PDE10A: variants seen among roughly 807,000 people sequenced by gnomAD.
PDE10A encodes phosphodiesterase 10A.
A neutral mutation model predicts 97.7 loss-of-function variants in PDE10A; 39 were observed. The observed-to-expected ratio is 0.40, with a 90% CI of 0.31 to 0.52. The LOEUF (loss-of-function observed/expected upper bound fraction) is 0.52, where lower values mean the gene tolerates loss of function less well. PDE10A is among the 20% of genes least tolerant of loss of function. The probability of loss-of-function intolerance (pLI) is 0.56; values close to 1 mark genes in which losing one functional copy is unlikely to be tolerated. For synonymous variants in PDE10A, 371 were observed against 376.8 expected, an observed-to-expected ratio of 0.98 and a Z score of 0.18; for missense variants, 731 against 1,047.8, an observed-to-expected ratio of 0.70 and a Z score of 4.17.
intron 1 of PDE10A, among the ~76,000 whole-genome samples, chr6:165,545,852 G>A (rs1054237647): frequency 6.6e-6 from 1 of 151,992 alleles, no homozygotes. Flanking sequence ...AAGACTGTTT[G>A]GCAGTTTCTT....
intron 1 of PDE10A, among the ~76,000 whole-genome samples, chr6:165,731,256 AG>A (rs1273980563): frequency 6.6e-6 from 1 of 152,170 alleles, no homozygotes; most frequent in African/African-American, 2.4e-5. Flanking sequence ...GAAACTCATG[AG>A]TCAAAACACA....
intron 1 of PDE10A, among the ~76,000 whole-genome samples, chr6:165,933,125 G>A (rs192234038): frequency 2.8e-4 from 43 of 152,288 alleles, no homozygotes; most frequent in Middle Eastern, 3.4e-3. Context: ...AAGTCTTGTG[G>A]TAAAGTCCCC....
At chr6:165,890,419 G>A (rs1208704321) in intron 1 of PDE10A, among the ~76,000 whole-genome samples, 1 of 152,110 alleles carries the variant, frequency 6.6e-6, no homozygotes, top group Non-Finnish European at 1.5e-5. Flanking sequence ...ACTGTCTTCC[G>A]CGACAGTGGC....
intron 17 of PDE10A, among the ~76,000 whole-genome samples, chr6:165,381,218 C>T (rs1362723235): frequency 1.3e-5 from 2 of 152,178 alleles, no homozygotes; most frequent in Non-Finnish European, 2.9e-5. Context: ...ATTCTACACA[C>T]TGGATATGTC....
At chr6:165,582,273 C>G (rs965046763) in intron 1 of PDE10A, among the ~76,000 whole-genome samples, 1 of 152,072 alleles carries the variant, frequency 6.6e-6, no homozygotes, top group Non-Finnish European at 1.5e-5. Context: ...TGAGTAGTCA[C>G]TATGGAGCTT....
At chr6:165,961,065 C>T (rs1270833063) in intron 1 of PDE10A, among the ~76,000 whole-genome samples, 3 of 152,084 alleles carry the variant, frequency 2.0e-5, no homozygotes, top group African/African-American at 7.2e-5. Flanking sequence ...GGGTCACTGA[C>T]CCCCTCTCAG....
At chr6:165,336,472 G>A (rs568861386) in intron 20 of PDE10A, among the ~76,000 whole-genome samples, 9 of 152,260 alleles carry the variant, frequency 5.9e-5, no homozygotes, top group East Asian at 1.9e-4. Context: ...AAATCTGGCC[G>A]GGCGCGGTGG....
At chr6:165,454,113 C>A (rs1230604353) in intron 3 of PDE10A, among the ~76,000 whole-genome samples, 3 of 152,222 alleles carry the variant, frequency 2.0e-5, no homozygotes. Context: ...CCAGTTACCC[C>A]CTTTCTTGTC....
chr6:165,635,157 G>T (rs1158921036), intron 1 of PDE10A, among the ~76,000 whole-genome samples: 1 of 152,124 alleles, frequency 6.6e-6, no homozygotes, highest in Non-Finnish European at 1.5e-5. Context: ...CAGCCTAAGG[G>T]CTTCCTTTAG....
chr6:165,330,228 T>C lies in PDE10A; in HGVS notation c.*2797A>G, dbSNP rs1456421781. Reference sequence around the variant, plus strand: ...TACTAAATTTATACTGGGTGGAAAATTTGGCACAATACACAATACGACCTT... The same window carrying C: ...TACTAAATTTATACTGGGTGGAAAACTTGGCACAATACACAATACGACCTT... On this transcript the variant is annotated 3_prime_UTR_variant, in exon 22 of 22. Transcript: ENST00000539869. 1 of 152,118 alleles carries C rather than the reference T, an allele frequency of 6.6e-6. No homozygotes were observed. Among genetic ancestry groups the C allele is most frequent in the Non-Finnish European group, 1.5e-5 (1 of 68,006 alleles). The allele number at this position is 152,118 out of a possible 1,614,324, so 9.4% of individuals were successfully genotyped here. A position where few individuals can be genotyped will look rare whatever the true frequency, so the allele number is the denominator to read the frequency against.
intron 2 of PDE10A, among the ~76,000 whole-genome samples, chr6:165,489,024 G>A (rs554816156): frequency 6.6e-6 from 1 of 152,212 alleles, no homozygotes; most frequent in East Asian, 1.9e-4. Context: ...CCTGCCCATC[G>A]CTGTAGAAAC....
chr6:165,786,640 G>A (rs11970537), intron 1 of PDE10A, among the ~76,000 whole-genome samples: 9,258 of 152,142 alleles, frequency 0.061, 892 homozygotes, highest in African/African-American at 0.21. Context: ...CTCACCACAT[G>A]GCACTTCAGC....
At chr6:165,644,845 C>T (rs1024722108) in intron 1 of PDE10A, among the ~76,000 whole-genome samples, 4 of 152,140 alleles carry the variant, frequency 2.6e-5, no homozygotes, top group African/African-American at 4.8e-5. Flanking sequence ...GAAGCATGGA[C>T]GGTCATGAGC....
Position 165,435,389 on chromosome 6 carries a change from A to G in PDE10A, c.1195-12T>C, listed in dbSNP as rs528615968. ...AATATACACAGGCTCTAGGGAGAAG[A>G]AAAGATGTTTTACAGACTTTCCTGT... On this transcript the variant is annotated splice_polypyrimidine_tract_variant and intron_variant, in intron 5 of 21. Coordinates refer to ENST00000539869, the MANE Select transcript of PDE10A (RefSeq NM_001385079.1). 21 of 1,609,870 alleles carry G rather than the reference A, an allele frequency of 1.3e-5. No individual in the cohort carries two copies. The highest frequency in any genetic ancestry group is 1.7e-5 in the Admixed American group (1 of 59,068).
At chr6:165,824,049 G>C (rs1021706530) in intron 1 of PDE10A, among the ~76,000 whole-genome samples, 1 of 152,208 alleles carries the variant, frequency 6.6e-6, no homozygotes, top group Non-Finnish European at 1.5e-5. Flanking sequence ...CTGTGATTCT[G>C]CTGCTTAAAT....
In PDE10A at chr6:165,450,256, C is replaced by T. The variant is rs779674539; in HGVS notation, c.1130G>A (p.Ser377Asn). 1.3e-6 allele frequency: 2 copies of T among 1,590,270 alleles called. No individual in the cohort carries two copies. Among genetic ancestry groups the T allele is most frequent in the South Asian group, 1.2e-5 (1 of 85,180 alleles). Residue 377 changes from serine (S) to asparagine (N), a missense_variant, in exon 4 of 22, where the codon AGC becomes AAC. Around this residue, in one of 8 missense-constraint regions of PDE10A, gnomAD observed 152 missense variants for 199.3 expected, o/e 0.76. Coordinates refer to ENST00000539869, the MANE Select transcript of PDE10A (RefSeq NM_001385079.1). ...ATGCTTCTTACCTATTTTAATGATG[C>T]TGCTCAGTTCATAGAGGAGTAGCTG... The part of the protein sequence containing the change: ...DNQLLLYELS[S>N]IIKIATKADG...
chr6:165,658,464 A>C (rs904294681), intron 1 of PDE10A, among the ~76,000 whole-genome samples: 1 of 152,044 alleles, frequency 6.6e-6, no homozygotes, highest in Non-Finnish European at 1.5e-5. Context: ...ATGTCATCAG[A>C]GTAGCTAACC....
chr6:165,945,077 C>G (rs377385120), intron 1 of PDE10A, among the ~76,000 whole-genome samples: 1 of 152,216 alleles, frequency 6.6e-6, no homozygotes, highest in East Asian at 1.9e-4. Context: ...CCAACAGAAC[C>G]CAGAAGAAGT....
chr6:165,912,332 A>G (rs1273694408), intron 1 of PDE10A, among the ~76,000 whole-genome samples: 1 of 152,172 alleles, frequency 6.6e-6, no homozygotes, highest in African/African-American at 2.4e-5. Flanking sequence ...CTCACAAAAT[A>G]TATCAGTAAC....
Sources: allele counts gnomAD v4.1 joint callset (sites outside exome capture counted in the v4.1 genomes callset), GRCh38; gene constraint gnomAD v4.1.1; regional missense constraint gnomAD v4.1.1; transcripts MANE v1.5; gene names NCBI Gene and HGNC (gene_info 2026-07-23, HGNC 2026-07-21).